The following KDSR variants were observed in gnomAD, a reference collection of about 807,000 sequenced individuals.
The protein encoded by KDSR is 3-ketodihydrosphingosine reductase, also known as 3-dehydrosphinganine reductase.
In KDSR, 23 loss-of-function variants were observed where a neutral mutation model predicts 41.3. The observed-to-expected ratio is 0.56, with a 90% CI of 0.40 to 0.79. The LOEUF (loss-of-function observed/expected upper bound fraction) is 0.79, where lower values mean the gene tolerates loss of function less well. KDSR is among the 30% of genes least tolerant of loss of function. The pLI is 0.00. For synonymous variants in KDSR, 138 were observed against 151.7 expected (o/e 0.91, Z 0.66); for missense variants, 351 against 416.8 (o/e 0.84, Z 1.37).
intron 9 of KDSR, among the ~76,000 whole-genome samples, chr18:63,333,760 G>T (rs1914080737): frequency 1.3e-5 from 2 of 152,064 alleles, no homozygotes; most frequent in Non-Finnish European, 2.9e-5. Context: ...TGCTTTACAG[G>T]CCCATGGGAA....
In KDSR at chr18:63,344,389, TG is replaced by T; in HGVS notation, c.693+20del. On this transcript the variant is annotated intron_variant, in intron 7 of 9. Coordinates refer to ENST00000645214, the MANE Select transcript of KDSR (RefSeq NM_002035.4). ...AGCAGTAAACATTAGAGGTTCAAAT[TG>T]GGACATGTAGGATACTGACCTTTGT... 1 of 1,553,974 alleles carries T rather than the reference TG, an allele frequency of 6.4e-7. No homozygotes were observed. Among genetic ancestry groups the T allele is most frequent in the Non-Finnish European group, 8.9e-7 (1 of 1,125,772 alleles).
chr18:63,336,527 G>A (rs538340196), intron 8 of KDSR, among the ~76,000 whole-genome samples: 4 of 152,170 alleles, frequency 2.6e-5, no homozygotes, highest in South Asian at 2.1e-4. Context: ...CCACCATCAC[G>A]AGACTGTCAG....
Position 63,351,056 on chromosome 18 carries a change from CA to C in KDSR, c.440del (p.Leu147ArgfsTer10). The C allele has an allele frequency of 6.2e-7, 1 of 1,613,828 alleles. No homozygotes were observed. The highest frequency in any genetic ancestry group is 8.5e-7 in the Non-Finnish European group (1 of 1,179,870). ...CGGCCCGGCTGGGGTACACGCTGCC[CA>C]GGTAATTGATGCTCATTAACCTCTG... Reference protein sequence around the residue: ...TFERLMSINYLGSVYPSRAVI... With the variant: ...TFERLMSINYXGSVYPSRAVI... On this transcript the variant is annotated frameshift_variant, in exon 6 of 10. Transcript: ENST00000645214. LOFTEE classifies it high-confidence loss of function.
chr18:63,345,638 C>CTTT (rs1341431000), intron 6 of KDSR: 37 of 152,074 alleles, frequency 2.4e-4, no homozygotes, highest in Admixed American at 2.4e-3. Flanking sequence ...ATGTGACGGC[C>CTTT]TTTAAGAGTA....
intron 2 of KDSR, among the ~76,000 whole-genome samples, chr18:63,361,072 A>G (rs547662257): frequency 7.6e-6 from 1 of 131,566 alleles, no homozygotes; most frequent in East Asian, 2.1e-4. Flanking sequence ...AAATATATAT[A>G]CACACACACA....
At position 63,328,247 on chromosome 18, in the gene KDSR, A is replaced by G. The variant is rs762900367; in HGVS notation, c.*3535T>C. The G allele has an allele frequency of 4.8e-4, 87 of 183,054 alleles. No individual in the cohort carries two copies. The highest frequency in any genetic ancestry group is 9.1e-4 in the Non-Finnish European group (78 of 86,162). The allele number at this position is 183,054 out of a possible 1,614,324, so 11.3% of individuals were successfully genotyped here. On this transcript the variant is annotated 3_prime_UTR_variant, in exon 10 of 10. Coordinates refer to ENST00000645214, the MANE Select transcript of KDSR (RefSeq NM_002035.4). The stretch of plus-strand genomic sequence containing the variant: ...ACATAAAATTCTTTGAACCAAAGCA[A>G]TATTACCAAATGTTTTCATCACCTA...
chr18:63,337,383 T>C, intron 8 of KDSR, among the ~76,000 whole-genome samples: 1 of 152,140 alleles, frequency 6.6e-6, no homozygotes, highest in Admixed American at 6.5e-5. Context: ...CCCAAAGTGT[T>C]GGGATTACAG....
chr18:63,339,504 T>A (rs1404341203), intron 7 of KDSR, among the ~76,000 whole-genome samples: 2 of 152,234 alleles, frequency 1.3e-5, no homozygotes, highest in African/African-American at 2.4e-5. Flanking sequence ...GGCTGCATGC[T>A]AGTTACCAGG....
chr18:63,363,360 A>G (rs1411967244), intron 1 of KDSR, among the ~76,000 whole-genome samples: 14 of 123,644 alleles, frequency 1.1e-4, no homozygotes, highest in Non-Finnish European at 1.2e-4. Flanking sequence ...TCCCAATGCT[A>G]TCCCTCCCCC....
At chr18:63,364,475 G>T (rs1472288235) in intron 1 of KDSR, among the ~76,000 whole-genome samples, 1 of 147,776 alleles carries the variant, frequency 6.8e-6, no homozygotes, top group Non-Finnish European at 1.5e-5. Context: ...AGACAGTCTT[G>T]CTCAGTCACC....
chr18:63,365,323 G>C (rs1915103304), intron 1 of KDSR, among the ~76,000 whole-genome samples: 1 of 152,196 alleles, frequency 6.6e-6, no homozygotes, highest in South Asian at 2.1e-4. Context: ...ATTATGTATG[G>C]GCAGACAGTT....
chr18:63,359,743 T>C lies in KDSR; in HGVS notation c.248A>G (p.Asp83Gly). ...CTGAAGACAGAGATTTACCTGTTTG[T>C]CATTAATAGAGTGCATTTCAATTTC... is the stretch of plus-strand genomic sequence containing the variant. ...KKEIEMHSIN[D>G]KQVVLCISVD... Residue 83 changes from aspartate (D) to glycine (G), a missense_variant, in exon 3 of 10, where the codon GAC (aspartate) becomes GGC (glycine). By Grantham distance (94) the Asp-to-Gly change is moderately conservative. Transcript: ENST00000645214. 1 of 1,600,658 alleles carries C rather than the reference T, an allele frequency of 6.2e-7. No individual in the cohort carries two copies. The highest frequency in any genetic ancestry group is 8.6e-7 in the Non-Finnish European group (1 of 1,169,018).
At chr18:63,363,011 T>C in intron 1 of KDSR, 143 bp from the exon 2 acceptor site, 1 of 601,986 alleles carries the variant, frequency 1.7e-6, no homozygotes, top group Non-Finnish European at 3.0e-6. Context: ...CATCCCAAAC[T>C]TAATGACTGG....
Position 63,330,191 on chromosome 18 carries a change from A to C in KDSR, c.*1591T>G, listed in dbSNP as rs904160799. On this transcript the variant is annotated 3_prime_UTR_variant, in exon 10 of 10. Coordinates refer to ENST00000645214, the MANE Select transcript of KDSR (RefSeq NM_002035.4). ...CAAGAGCAAAAAAAAGGTATGCTAT[A>C]ATTTTTAGGTCTTCAATTTTTGTAT... 5.0e-6 allele frequency: 1 copy of C among 198,802 alleles called. No homozygotes were observed. Among genetic ancestry groups the C allele is most frequent in the Non-Finnish European group, 1.0e-5 (1 of 96,216 alleles). 12.3% of individuals were successfully genotyped at this position (198,802 alleles called of 1,614,324 possible).
At chr18:63,360,930 G>A (rs1250391144) in intron 2 of KDSR, among the ~76,000 whole-genome samples, 5 of 138,450 alleles carry the variant, frequency 3.6e-5, no homozygotes, top group African/African-American at 1.4e-4. Flanking sequence ...CGAGGTGGGT[G>A]GATCACTTAA....
At chr18:63,366,706 T>C (rs1037349223) in intron 1 of KDSR, 3 of 309,428 alleles carry the variant, frequency 9.7e-6, no homozygotes, top group African/African-American at 6.5e-5. Flanking sequence ...CCCAGGGATG[T>C]TGCATGGATT....
intron 8 of KDSR, among the ~76,000 whole-genome samples, chr18:63,337,652 G>A (rs985363625): frequency 1.3e-5 from 2 of 152,294 alleles, no homozygotes; most frequent in Admixed American, 6.5e-5. Context: ...GGCTGGGCAC[G>A]GAGCTCACGC....
intron 2 of KDSR, among the ~76,000 whole-genome samples, chr18:63,361,017 A>ATATATATATATAAAGTATATATAT (rs761703297): frequency 9.4e-6 from 1 of 106,900 alleles, no homozygotes; most frequent in Non-Finnish European, 1.7e-5. Context: ...TATATATATA[A>ATATATATATATAAAGTATATATAT]AATATATAAT....
chr18:63,338,485 G>C (rs1186131569), intron 8 of KDSR, among the ~76,000 whole-genome samples: 2 of 152,112 alleles, frequency 1.3e-5, no homozygotes, highest in East Asian at 3.8e-4. Context: ...GGTGTATATG[G>C]GACATAGTAT....
Sources: allele counts gnomAD v4.1 joint callset (sites outside exome capture counted in the v4.1 genomes callset), GRCh38; gene constraint gnomAD v4.1.1; transcripts MANE v1.5; gene names NCBI Gene and HGNC (gene_info 2026-07-23, HGNC 2026-07-21).